Variants in NPY5R observed in about 807,000 individuals in gnomAD.
NPY5R encodes neuropeptide Y receptor Y5, also known as neuropeptide Y receptor type 5.
Under a neutral mutation model 24.8 loss-of-function variants are expected in NPY5R, and 21 were observed. The observed-to-expected ratio is 0.85, with a 90% CI of 0.60 to 1.22. The LOEUF (loss-of-function observed/expected upper bound fraction) is 1.22, where lower values mean the gene tolerates loss of function less well. Ranked by LOEUF, NPY5R falls within the 50% of genes most tolerant of loss-of-function variation. The probability of loss-of-function intolerance (pLI) is 0.00; values close to 1 mark genes in which losing one functional copy is unlikely to be tolerated. For missense variants in NPY5R, 481 were observed against 521.3 expected (o/e 0.92, Z 0.75); for synonymous variants, 175 against 183.0 (o/e 0.96, Z 0.35).
chr4:163,351,491 G>A lies in NPY5R; in HGVS notation c.1218G>A (p.Val406=). Reference sequence around the variant, plus strand: ...TTTCAAATAGGCATTTCAAGTTGGTGTATTGCATTTGTCATTTGTTGGGCA... The same window carrying A: ...TTTCAAATAGGCATTTCAAGTTGGTATATTGCATTTGTCATTTGTTGGGCA... The part of the protein sequence containing the change: ...NLISNRHFKL[V]YCICHLLGMM... The change falls in exon 4 of 4, where the codon GTG becomes GTA. Residue 406 remains valine (V), a synonymous_variant. Coordinates refer to ENST00000338566, the MANE Select transcript of NPY5R (RefSeq NM_006174.4). 1 of 1,613,836 alleles carries A rather than the reference G, an allele frequency of 6.2e-7. No individual in the cohort carries two copies. Among genetic ancestry groups the A allele is most frequent in the South Asian group, 1.1e-5 (1 of 91,074 alleles).
At chr4:163,344,466 G>C (rs1463058065) in intron 1 of NPY5R, 1 of 152,148 alleles carries the variant, frequency 6.6e-6, no homozygotes, top group Non-Finnish European at 1.5e-5. Context: ...GCAGCCCGCG[G>C]GGTGCCCGGG....
chr4:163,349,237 TG>T (rs1409696165), intron 3 of NPY5R: 2 of 385,890 alleles, frequency 5.2e-6, no homozygotes, highest in African/African-American at 4.4e-5. Flanking sequence ...AGGTGATATT[TG>T]TTACTAGAGT....
chr4:163,349,339 T>C, intron 3 of NPY5R: 1 of 978,236 alleles, frequency 1.0e-6, no homozygotes, highest in Non-Finnish European at 1.2e-6. Context: ...GATTCCAAAG[T>C]GAGTAAGAGA....
intron 3 of NPY5R, among the ~76,000 whole-genome samples, chr4:163,347,885 T>C (rs1172954126): frequency 6.6e-6 from 1 of 152,260 alleles, no homozygotes. Context: ...TTTAAAAGGA[T>C]GTAGTTAGCT....
rs769105318 is a variant in NPY5R, at chr4:163,350,903, C to A, written c.630C>A (p.Ala210=). The A allele has an allele frequency of 3.7e-5, 59 of 1,613,984 alleles. No homozygotes were observed. Among genetic ancestry groups the A allele is most frequent in the Non-Finnish European group, 5.0e-5 (59 of 1,180,038 alleles). ...ESWPSDSYRI[A]FTISLLLVQY... Reference sequence around the variant, plus strand: ...GGCCATCTGATTCATACAGAATTGCCTTTACTATCTCTTTATTGCTAGTTC... The same window carrying A: ...GGCCATCTGATTCATACAGAATTGCATTTACTATCTCTTTATTGCTAGTTC... Residue 210 remains alanine (A), a synonymous_variant, in exon 4 of 4, where the codon GCC becomes GCA. Coordinates refer to ENST00000338566, the MANE Select transcript of NPY5R (RefSeq NM_006174.4).
chr4:163,350,123 AAAGAT>A (rs1326551865), intron 3 of NPY5R, 137 bp from the exon 4 acceptor site: 1 of 436,578 alleles, frequency 2.3e-6, no homozygotes, highest in Non-Finnish European at 3.9e-6. Flanking sequence ...AAAAAAAAAA[AAAGAT>A]ATCATAAACT....
In NPY5R at chr4:163,344,010, C is replaced by A. The variant is rs1735092683; in HGVS notation, c.-121+10C>A. On this transcript the variant is annotated intron_variant, in intron 1 of 3. Transcript: ENST00000338566. ...GCCGGGGCGCCCCGAGGTACGGGCTCCCGCCCCTCCCTGCCAACCCCTTTC... is the reference window on the plus strand; with the variant it reads ...GCCGGGGCGCCCCGAGGTACGGGCTACCGCCCCTCCCTGCCAACCCCTTTC... 1 of 152,474 alleles carries A rather than the reference C, an allele frequency of 6.6e-6. No individual in the cohort carries two copies. The highest frequency in any genetic ancestry group is 1.9e-4 in the East Asian group (1 of 5,136). 9.4% of individuals were successfully genotyped at this position (152,474 alleles called of 1,614,324 possible).
Position 163,350,407 on chromosome 4 carries a change from T to C in NPY5R, c.134T>C (p.Ile45Thr), listed in dbSNP as rs767555011. The C allele has an allele frequency of 6.2e-7, 1 of 1,613,946 alleles. No homozygotes were observed. The highest frequency in any genetic ancestry group is 1.3e-5 in the African/African-American group (1 of 75,052). ...GTAGATGACTTACAGTATTTTCTGATTGGGCTCTATACATTTGTAAGTCTT... is the reference window on the plus strand; with the variant it reads ...GTAGATGACTTACAGTATTTTCTGACTGGGCTCTATACATTTGTAAGTCTT... ...SSVDDLQYFLIGLYTFVSLLG... is the reference protein window; with the variant it reads ...SSVDDLQYFLTGLYTFVSLLG... The change falls in exon 4 of 4, where the codon ATT becomes ACT. Residue 45 changes from isoleucine (I) to threonine (T), a missense_variant. Transcript: ENST00000338566.
chr4:163,347,321 T>C (rs1272847521), intron 2 of NPY5R, 131 bp from the exon 3 acceptor site: 1 of 152,212 alleles, frequency 6.6e-6, no homozygotes, highest in African/African-American at 2.4e-5. Flanking sequence ...TTGTGCTGCA[T>C]CTTCTCTTTC....
At chr4:163,349,174 A>T (rs1735376294) in intron 3 of NPY5R, among the ~76,000 whole-genome samples, 1 of 152,244 alleles carries the variant, frequency 6.6e-6, no homozygotes, top group Non-Finnish European at 1.5e-5. Context: ...CATCTGGGTC[A>T]TGAGATAGTG....
chr4:163,346,570 A>C (rs1408831204), intron 2 of NPY5R, among the ~76,000 whole-genome samples: 1 of 152,142 alleles, frequency 6.6e-6, no homozygotes. Flanking sequence ...TTATATATAA[A>C]TTATCTACTT....
chr4:163,346,426 G>A (rs1415435571), intron 2 of NPY5R, among the ~76,000 whole-genome samples: 1 of 152,130 alleles, frequency 6.6e-6, no homozygotes, highest in East Asian at 1.9e-4. Context: ...CCTTGCATTA[G>A]TCGTCTTTAT....
intron 1 of NPY5R, chr4:163,345,027 T>C (rs1227148765): frequency 2.0e-5 from 3 of 152,200 alleles, no homozygotes; most frequent in African/African-American, 7.2e-5. Context: ...TGTTCCACGA[T>C]CACAGCAAAA....
chr4:163,351,113 A>C lies in NPY5R; in HGVS notation c.840A>C (p.Ser280=). The stretch of plus-strand genomic sequence containing the variant: ...CTGGCAGCCATAAATGGAGTTATTC[A>C]TTCATCAAAAAACACAGAAGAAGAT... ...KLSGSHKWSY[S]FIKKHRRRYS... Residue 280 remains serine, a synonymous_variant, in exon 4 of 4, where the codon TCA becomes TCC. Transcript: ENST00000338566. 6.2e-7 allele frequency: 1 copy of C among 1,614,178 alleles called. No homozygotes were observed.
intron 3 of NPY5R, among the ~76,000 whole-genome samples, chr4:163,348,415 G>A (rs1209493109): frequency 6.6e-6 from 1 of 152,176 alleles, no homozygotes; most frequent in East Asian, 1.9e-4. Context: ...GTTTACTTGA[G>A]GCCAGGAGTT....
chr4:163,350,572 C>G lies in NPY5R; in HGVS notation c.299C>G (p.Thr100Arg), dbSNP rs747764021. The change falls in exon 4 of 4, where the codon ACG becomes AGG. Residue 100 changes from threonine (T) to arginine (R), a missense_variant. Transcript: ENST00000338566. The stretch of plus-strand genomic sequence containing the variant: ...CTGTTTTGCTCACCTTTCACACTGA[C>G]GTCTGTCTTGCTGGATCAGTGGATG... ...VVLFCSPFTLTSVLLDQWMFG... is the reference protein window; with the variant it reads ...VVLFCSPFTLRSVLLDQWMFG... 6.2e-7 allele frequency: 1 copy of G among 1,614,126 alleles called. No homozygotes were observed.
At position 163,351,296 on chromosome 4, in the gene NPY5R, T is replaced by C; in HGVS notation, c.1023T>C (p.Pro341=). The change falls in exon 4 of 4, where the codon CCT becomes CCC. Residue 341 remains proline (P), a synonymous_variant. Transcript: ENST00000338566. ...PGVPTCFEIK[P]EENSDVHELR... ...TCCCCACTTGCTTTGAGATAAAACCTGAAGAAAATTCAGATGTTCATGAAT... is the reference window on the plus strand; with the variant it reads ...TCCCCACTTGCTTTGAGATAAAACCCGAAGAAAATTCAGATGTTCATGAAT... 1.9e-6 allele frequency: 3 copies of C among 1,613,658 alleles called. No individual in the cohort carries two copies. Among genetic ancestry groups the C allele is most frequent in the Non-Finnish European group, 2.5e-6 (3 of 1,179,616 alleles).
Position 163,351,010 on chromosome 4 carries a change from A to G in NPY5R, c.737A>G (p.Glu246Gly). The change falls in exon 4 of 4, where the codon GAA (glutamate) becomes GGA (glycine). Residue 246 changes from glutamate to glycine, a missense_variant. By Grantham distance (98) the Glu-to-Gly change is moderately conservative (BLOSUM62 -2). Transcript: ENST00000338566. ...ATAAGCTGTGGATTGTCCAACAAAG[A>G]AAACAGACTTGAAGAAAATGAGATG... ...RSISCGLSNK[E>G]NRLEENEMIN... 1 of 1,614,134 alleles carries G rather than the reference A, an allele frequency of 6.2e-7. No individual in the cohort carries two copies. Among genetic ancestry groups the G allele is most frequent in the African/African-American group, 1.3e-5 (1 of 75,064 alleles).
Position 163,351,651 on chromosome 4 carries a change from G to A in NPY5R, c.*40G>A. 1 of 1,403,444 alleles carries A rather than the reference G, an allele frequency of 7.1e-7. No homozygotes were observed. The highest frequency in any genetic ancestry group is 9.7e-7 in the Non-Finnish European group (1 of 1,033,302). 86.9% of individuals were successfully genotyped at this position (1,403,444 alleles called of 1,614,324 possible). ...TACCAAGGAAAGAACAAATGCTGGG[G>A]TCATATAAAATATATTTATGATAAC... is the stretch of plus-strand genomic sequence containing the variant. On this transcript the variant is annotated 3_prime_UTR_variant, in exon 4 of 4. Transcript: ENST00000338566.
Sources: gnomAD v4.1 joint callset for allele counts (sites outside exome capture counted in the v4.1 genomes callset) on GRCh38, gnomAD v4.1.1 for gene constraint, MANE v1.5 for transcripts, NCBI Gene and HGNC (gene_info 2026-07-23, HGNC 2026-07-21) for gene names.